PDE4D: variants seen among roughly 807,000 people sequenced by gnomAD.
PDE4D encodes the protein 3',5'-cyclic-AMP phosphodiesterase 4D.
In PDE4D, 24 loss-of-function variants were observed where a neutral mutation model predicts 87.4. That is an observed-to-expected ratio of 0.27 (90% CI 0.20 to 0.39). The LOEUF (loss-of-function observed/expected upper bound fraction) is 0.39, where lower values mean the gene tolerates loss of function less well. Among genes scored for constraint, PDE4D ranks in the 10% least tolerant of loss-of-function variants. The pLI is 1.00. For missense variants in PDE4D, 714 were observed against 1,041.0 expected (o/e 0.69, Z 4.32); for synonymous variants, 384 against 383.2 (o/e 1.00, Z -0.02).
At chr5:59,765,119 G>A (rs538941712) in intron 1 of PDE4D, among the ~76,000 whole-genome samples, 1 of 152,302 alleles carries the variant, frequency 6.6e-6, no homozygotes, top group African/African-American at 2.4e-5. Context: ...GTTACTCCAA[G>A]CCACTTGCCT....
chr5:59,278,327 C>A (rs1264240660), intron 1 of PDE4D, among the ~76,000 whole-genome samples: 2 of 152,006 alleles, frequency 1.3e-5, no homozygotes, highest in African/African-American at 2.4e-5. Flanking sequence ...TGATGGCATG[C>A]AGGCTGATGA....
intron 1 of PDE4D, among the ~76,000 whole-genome samples, chr5:60,243,506 C>A (rs1012353719): frequency 6.6e-6 from 1 of 151,830 alleles, no homozygotes; most frequent in Non-Finnish European, 1.5e-5. Context: ...AAAGACACAT[C>A]AAGAAAAGAA....
chr5:59,639,040 C>A (rs187178519), intron 1 of PDE4D, among the ~76,000 whole-genome samples: 1 of 152,220 alleles, frequency 6.6e-6, no homozygotes, highest in Admixed American at 6.5e-5. Context: ...AAAATTCTTA[C>A]TAAATTCCAT....
chr5:59,959,415 C>G (rs772262661), intron 3 of PDE4D, among the ~76,000 whole-genome samples: 1 of 151,950 alleles, frequency 6.6e-6, no homozygotes, highest in Non-Finnish European at 1.5e-5. Context: ...CAAAGCAATC[C>G]TAAAGAAAAA....
intron 2 of PDE4D, among the ~76,000 whole-genome samples, chr5:59,992,396 G>A (rs1368792287): frequency 6.6e-6 from 1 of 152,182 alleles, no homozygotes; most frequent in Non-Finnish European, 1.5e-5. Flanking sequence ...GATCGTGTGA[G>A]TCAATACTCC....
At chr5:59,387,331 T>C (rs571749347) in intron 1 of PDE4D, among the ~76,000 whole-genome samples, 1 of 152,284 alleles carries the variant, frequency 6.6e-6, no homozygotes, top group South Asian at 2.1e-4. Context: ...GTAGTACCTG[T>C]TGATATTAGC....
At chr5:60,098,692 T>C (rs1049793341) in intron 2 of PDE4D, among the ~76,000 whole-genome samples, 2 of 152,058 alleles carry the variant, frequency 1.3e-5, no homozygotes, top group African/African-American at 2.4e-5. Context: ...GAGATTCCTA[T>C]AAAAAACCAT....
chr5:60,119,845 G>A (rs1043858585), intron 2 of PDE4D, among the ~76,000 whole-genome samples: 1 of 152,176 alleles, frequency 6.6e-6, no homozygotes, highest in African/African-American at 2.4e-5. Flanking sequence ...AAAAATCTGT[G>A]ACTCAGAAAG....
intron 1 of PDE4D, among the ~76,000 whole-genome samples, chr5:60,466,884 G>T (rs1747394129): frequency 6.7e-6 from 1 of 149,650 alleles, no homozygotes; most frequent in Non-Finnish European, 1.5e-5. Flanking sequence ...CAAATTCCCA[G>T]CCCACCCCCA....
At chr5:60,077,360 G>A (rs1773413593) in intron 2 of PDE4D, among the ~76,000 whole-genome samples, 1 of 152,168 alleles carries the variant, frequency 6.6e-6, no homozygotes, top group Non-Finnish European at 1.5e-5. Context: ...AGTATGTGAA[G>A]GCCAAGTAGC....
intron 2 of PDE4D, among the ~76,000 whole-genome samples, chr5:60,034,230 G>A (rs1767546119): frequency 6.6e-6 from 1 of 152,192 alleles, no homozygotes; most frequent in African/African-American, 2.4e-5. Flanking sequence ...GATGGGAAGT[G>A]CATTCATTTC....
intron 1 of PDE4D, among the ~76,000 whole-genome samples, chr5:59,382,398 A>G (rs1048398280): frequency 6.6e-6 from 1 of 152,206 alleles, no homozygotes; most frequent in Admixed American, 6.5e-5. Context: ...AGCAAAAAAA[A>G]TTTCCAAACT....
intron 1 of PDE4D, among the ~76,000 whole-genome samples, chr5:59,373,697 C>T (rs1159548756): frequency 6.6e-6 from 1 of 152,138 alleles, no homozygotes; most frequent in South Asian, 2.1e-4. Context: ...TGGTAAGGTA[C>T]TTCACAAGAA....
intron 1 of PDE4D, among the ~76,000 whole-genome samples, chr5:59,709,494 C>T (rs552111074): frequency 5.9e-5 from 9 of 152,272 alleles, no homozygotes; most frequent in African/African-American, 2.2e-4. Flanking sequence ...GAGAAGCTTC[C>T]AGATAGCCAG....
intron 1 of PDE4D, among the ~76,000 whole-genome samples, chr5:59,687,138 A>T (rs184282057): frequency 5.3e-5 from 8 of 152,302 alleles, no homozygotes; most frequent in Admixed American, 5.2e-4. Flanking sequence ...TCATCAAGTT[A>T]TCTCATGTTT....
chr5:60,192,203 T>G (rs186625474), intron 1 of PDE4D, among the ~76,000 whole-genome samples: 1 of 152,262 alleles, frequency 6.6e-6, no homozygotes. Context: ...ATGGGGTATA[T>G]TCAATCTCAC....
At chr5:58,980,109 G>A (rs139284941) in intron 11 of PDE4D, among the ~76,000 whole-genome samples, 234 of 152,324 alleles carry the variant, frequency 1.5e-3, no homozygotes, top group Non-Finnish European at 3.0e-3. Flanking sequence ...TTAAGGCTAT[G>A]TTCCATTCAT....
chr5:59,497,119 C>T (rs1036119937), intron 1 of PDE4D, among the ~76,000 whole-genome samples: 3 of 152,122 alleles, frequency 2.0e-5, no homozygotes, highest in African/African-American at 7.2e-5. Context: ...GAAGCTGATC[C>T]ACCCATACAC....
chr5:60,024,303 T>A (rs1326745805), intron 2 of PDE4D, among the ~76,000 whole-genome samples: 2 of 152,208 alleles, frequency 1.3e-5, no homozygotes, highest in African/African-American at 4.8e-5. Flanking sequence ...ACAAATGTAC[T>A]TAAACAAAAG....
Sources: gnomAD v4.1 joint callset for allele counts (sites outside exome capture counted in the v4.1 genomes callset) on GRCh38, gnomAD v4.1.1 for gene constraint, MANE v1.5 for transcripts, NCBI Gene and HGNC (gene_info 2026-07-23, HGNC 2026-07-21) for gene names.